Variants in PCDHGB7 observed in about 807,000 individuals in gnomAD.
PCDHGB7 encodes the protein protocadherin gamma subfamily B, 7, also known as protocadherin gamma-B7.
A neutral mutation model predicts 61.4 loss-of-function variants in PCDHGB7; 37 were observed. The ratio of observed to expected loss-of-function variants is 0.60; its 90% CI spans 0.46 to 0.79. The LOEUF (loss-of-function observed/expected upper bound fraction) is 0.79. PCDHGB7 is among the 30% of genes least tolerant of loss of function. PCDHGB7 has a pLI of 0.00. For missense variants in PCDHGB7, 1,166 were observed against 1,202.5 expected (o/e 0.97, Z 0.45); for synonymous variants, 464 against 503.5 (o/e 0.92, Z 1.05).
At position 141,486,478 on chromosome 5, in the gene PCDHGB7, C is replaced by T; in HGVS notation, c.2416-8329C>T. The T allele has an allele frequency of 2.5e-6, 4 of 1,614,026 alleles. No homozygotes were observed. The highest frequency in any genetic ancestry group is 3.4e-6 in the Non-Finnish European group (4 of 1,179,854). On this transcript the variant is annotated intron_variant, in intron 1 of 3. Transcript: ENST00000398594. The surrounding 1 kb of genome is among the most constrained non-coding windows in gnomAD (Gnocchi z 5.0). ...CTTCTGATGCTGGGAACCCTCCTCT[C>T]AGTACCCACAGAACTATTTTCCTCA...
chr5:141,466,147 G>A (rs2099117729), intron 1 of PCDHGB7, among the ~76,000 whole-genome samples: 1 of 151,722 alleles, frequency 6.6e-6, no homozygotes, highest in South Asian at 2.1e-4. Flanking sequence ...TGAAAACTCT[G>A]GTCTTAAACT....
chr5:141,477,644 T>A lies in PCDHGB7; in HGVS notation c.2416-17163T>A. On this transcript the variant is annotated intron_variant, in intron 1 of 3. Coordinates refer to ENST00000398594, the MANE Select transcript of PCDHGB7 (RefSeq NM_018927.4). The surrounding 1 kb of genome is among the most constrained non-coding windows in gnomAD (Gnocchi z 4.9). ...TGAAACCGGGCTAGTGGGTCGCTAT[T>A]TCACAATAAATCGTGACAATGGCAT... The A allele has an allele frequency of 6.2e-7, 1 of 1,614,200 alleles. No homozygotes were observed. Among genetic ancestry groups the A allele is most frequent in the Non-Finnish European group, 8.5e-7 (1 of 1,180,036 alleles).
At chr5:141,500,947 C>T (rs933082173) in intron 2 of PCDHGB7, among the ~76,000 whole-genome samples, 15 of 151,822 alleles carry the variant, frequency 9.9e-5, no homozygotes, top group African/African-American at 3.6e-4. Context: ...CGGCTCACTG[C>T]AAGCTCCACC....
chr5:141,441,310 C>T (rs2098239133), intron 1 of PCDHGB7: 1 of 152,154 alleles, frequency 6.6e-6, no homozygotes, highest in Non-Finnish European at 1.5e-5. Context: ...AGAAAATGCA[C>T]CTTGAGAAAA....
At chr5:141,460,989 A>G (rs199888312) in intron 1 of PCDHGB7, among the ~76,000 whole-genome samples, 3,445 of 98,242 alleles carry the variant, frequency 0.035, 55 homozygotes, top group African/African-American at 0.064. Context: ...GTGTGTATAT[A>G]TATATATGTG....
At chr5:141,478,236 T>C (rs2099440813) in intron 1 of PCDHGB7, 3 of 1,614,156 alleles carry the variant, frequency 1.9e-6, no homozygotes, top group Non-Finnish European at 2.5e-6. Flanking sequence ...GGGTTTGTGG[T>C]CACAGTGTTC....
intron 1 of PCDHGB7, chr5:141,442,056 C>T: frequency 5.0e-6 from 1 of 198,150 alleles, no homozygotes; most frequent in Non-Finnish European, 1.0e-5. Flanking sequence ...GGTCGCGGTG[C>T]ACTGCGGTGG....
chr5:141,477,568 C>G lies in PCDHGB7; in HGVS notation c.2416-17239C>G. 1 of 1,614,172 alleles carries G rather than the reference C, an allele frequency of 6.2e-7. No individual in the cohort carries two copies. Among genetic ancestry groups the G allele is most frequent in the Non-Finnish European group, 8.5e-7 (1 of 1,180,044 alleles). On this transcript the variant is annotated intron_variant, in intron 1 of 3. Coordinates refer to ENST00000398594, the MANE Select transcript of PCDHGB7 (RefSeq NM_018927.4). The surrounding 1 kb of genome is among the most constrained non-coding windows in gnomAD (Gnocchi z 4.9). ...TACTAAACCTAAGTGTCTGGGACCC[C>G]GACGCCCCGCAGAATGCTCGGCTTT...
At chr5:141,422,153 AT>A (rs750082013) in intron 1 of PCDHGB7, 4 of 1,575,250 alleles carry the variant, frequency 2.5e-6, no homozygotes, top group Non-Finnish European at 3.4e-6. Context: ...GGGTCTCTGG[AT>A]TTTGAAAAAT....
Position 141,431,386 on chromosome 5 carries a change from C to A in PCDHGB7, c.2415+11112C>A. The stretch of plus-strand genomic sequence containing the variant: ...ACCGCGAAGAAAAGGCTGCTCACCA[C>A]CTGGTCCTTACGGCCTCCGACGGGG... On this transcript the variant is annotated intron_variant, in intron 1 of 3. Coordinates refer to ENST00000398594, the MANE Select transcript of PCDHGB7 (RefSeq NM_018927.4). The surrounding 1 kb of genome is among the most constrained non-coding windows in gnomAD (Gnocchi z 4.8). The A allele has an allele frequency of 6.2e-7, 1 of 1,613,924 alleles. No individual in the cohort carries two copies. Among genetic ancestry groups the A allele is most frequent in the Non-Finnish European group, 8.5e-7 (1 of 1,180,038 alleles).
chr5:141,470,022 G>A (rs892106953), intron 1 of PCDHGB7, among the ~76,000 whole-genome samples: 2 of 152,188 alleles, frequency 1.3e-5, no homozygotes, highest in African/African-American at 2.4e-5. Context: ...CCAGCTACTC[G>A]GGATGCTGAG....
intron 1 of PCDHGB7, chr5:141,422,221 A>T (rs1267909650): frequency 1.3e-6 from 2 of 1,565,034 alleles, no homozygotes; most frequent in Admixed American, 4.0e-5. Context: ...CTTTACCACC[A>T]CGACGATGTT....
chr5:141,438,074 T>C (rs963146682), intron 1 of PCDHGB7, among the ~76,000 whole-genome samples: 10 of 152,116 alleles, frequency 6.6e-5, no homozygotes, highest in African/African-American at 2.4e-4. Flanking sequence ...CCATACTTAA[T>C]GGAAAATTAC....
intron 1 of PCDHGB7, chr5:141,478,153 T>G (rs1477175391): frequency 3.1e-6 from 5 of 1,613,934 alleles, no homozygotes; most frequent in Middle Eastern, 1.6e-4. Flanking sequence ...AGTTCCCCTC[T>G]GGCTCTGCCC....
intron 1 of PCDHGB7, among the ~76,000 whole-genome samples, chr5:141,474,085 AAAAC>A (rs937548165): frequency 1.3e-5 from 2 of 152,188 alleles, no homozygotes; most frequent in African/African-American, 4.8e-5. Flanking sequence ...CAAAAACCAA[AAAAC>A]AAACAACAAC....
At chr5:141,434,784 A>T (rs967716221) in intron 1 of PCDHGB7, among the ~76,000 whole-genome samples, 11 of 150,278 alleles carry the variant, frequency 7.3e-5, no homozygotes, top group East Asian at 5.8e-4. Flanking sequence ...AAAAAAAAAA[A>T]TTTTTTTTTC....
chr5:141,424,100 G>A (rs1362239131), intron 1 of PCDHGB7: 1 of 832,456 alleles, frequency 1.2e-6, no homozygotes, highest in East Asian at 1.2e-4. Flanking sequence ...TGCTATTACT[G>A]CTAATGTTCA....
chr5:141,421,071 A>G (rs1197006989), intron 1 of PCDHGB7: 1 of 608,760 alleles, frequency 1.6e-6, no homozygotes, highest in East Asian at 2.9e-5. Flanking sequence ...GCGGAATGAG[A>G]TGGATACTCA....
intron 1 of PCDHGB7, chr5:141,479,399 T>C (rs2099494765): frequency 6.6e-6 from 1 of 152,576 alleles, no homozygotes; most frequent in African/African-American, 2.4e-5. Flanking sequence ...AGTTCTGGGC[T>C]GTGGTGCACT....
Sources: allele counts gnomAD v4.1 joint callset (sites outside exome capture counted in the v4.1 genomes callset), GRCh38; gene constraint gnomAD v4.1.1; non-coding constraint Gnocchi (gnomAD v3.1); transcripts MANE v1.5; gene names NCBI Gene and HGNC (gene_info 2026-07-23, HGNC 2026-07-21).